Variants in DOCK3 observed in about 807,000 individuals in gnomAD.
The protein encoded by DOCK3 is dedicator of cytokinesis 3.
Under a neutral mutation model 265.6 loss-of-function variants are expected in DOCK3, and 60 were observed. The ratio of observed to expected loss-of-function variants is 0.23; its 90% CI spans 0.18 to 0.28. The LOEUF (loss-of-function observed/expected upper bound fraction) is 0.28, where lower values mean the gene tolerates loss of function less well. Among genes scored for constraint, DOCK3 ranks in the 10% least tolerant of loss-of-function variants. The pLI is 1.00. For synonymous variants in DOCK3, 881 were observed against 938.0 expected, an observed-to-expected ratio of 0.94 and a Z score of 1.11; for missense variants, 1,981 against 2,594.3, an observed-to-expected ratio of 0.76 and a Z score of 5.14.
intron 5 of DOCK3, among the ~76,000 whole-genome samples, chr3:50,946,057 G>C (rs1217909444): frequency 7.5e-6 from 1 of 132,764 alleles, no homozygotes; most frequent in East Asian, 2.3e-4. Context: ...GAGCTACTTT[G>C]CTCCAGCTCT....
chr3:51,106,441 C>T (rs563743715), intron 9 of DOCK3, among the ~76,000 whole-genome samples: 34 of 152,322 alleles, frequency 2.2e-4, no homozygotes, highest in Non-Finnish European at 4.4e-4. Context: ...TCACCATGGC[C>T]GCTCTCTATA....
intron 12 of DOCK3, among the ~76,000 whole-genome samples, chr3:51,202,498 A>C (rs1209265927): frequency 6.6e-6 from 1 of 152,138 alleles, no homozygotes; most frequent in Non-Finnish European, 1.5e-5. Flanking sequence ...TAGACCAATA[A>C]CAGGAGCTGA....
chr3:51,166,352 A>G (rs535191441), intron 12 of DOCK3, among the ~76,000 whole-genome samples: 8 of 152,068 alleles, frequency 5.3e-5, no homozygotes, highest in African/African-American at 1.2e-4. Context: ...TGCCTGGCCT[A>G]TGTATATTCT....
chr3:51,281,451 A>G (rs543177439), intron 27 of DOCK3, among the ~76,000 whole-genome samples: 2 of 151,498 alleles, frequency 1.3e-5, no homozygotes, highest in African/African-American at 4.9e-5. Context: ...CTCTTTTTTT[A>G]TTTGCTTATG....
chr3:51,115,115 G>T (rs2083678322), intron 9 of DOCK3, among the ~76,000 whole-genome samples: 1 of 152,184 alleles, frequency 6.6e-6, no homozygotes, highest in African/African-American at 2.4e-5. Flanking sequence ...ATGTGTGCAT[G>T]TGTCTTTATA....
chr3:50,864,173 T>A (rs2047036738), intron 3 of DOCK3, among the ~76,000 whole-genome samples: 1 of 152,222 alleles, frequency 6.6e-6, no homozygotes. Flanking sequence ...GGATATCTCA[T>A]TGTAGTTTTT....
At chr3:51,277,502 G>A in intron 25 of DOCK3, 106 bp from the exon 26 acceptor site, 1 of 1,381,446 alleles carries the variant, frequency 7.2e-7, no homozygotes, top group Non-Finnish European at 9.5e-7. Flanking sequence ...GCTTGGTGTT[G>A]GGAATCCAGA....
chr3:51,063,429 C>T (rs964467066), intron 5 of DOCK3, among the ~76,000 whole-genome samples: 11 of 152,134 alleles, frequency 7.2e-5, no homozygotes, highest in African/African-American at 2.7e-4. Flanking sequence ...GTTATAAGAT[C>T]ACTGCCACCT....
chr3:50,891,481 C>G (rs1290410266), intron 4 of DOCK3, among the ~76,000 whole-genome samples: 1 of 152,002 alleles, frequency 6.6e-6, no homozygotes, highest in Non-Finnish European at 1.5e-5. Context: ...GTTTATGAAC[C>G]TTTGCAACAA....
chr3:51,208,983 G>A (rs1289937476), intron 13 of DOCK3, 121 bp downstream of exon 13: 11 of 814,926 alleles, frequency 1.3e-5, no homozygotes, highest in South Asian at 8.7e-5. Flanking sequence ...TTCTCCTGCC[G>A]AGGCATTTCC....
intron 4 of DOCK3, among the ~76,000 whole-genome samples, chr3:50,923,691 A>G (rs978354717): frequency 2.0e-5 from 3 of 152,202 alleles, no homozygotes; most frequent in African/African-American, 4.8e-5. Flanking sequence ...CATTACAGAC[A>G]TGTTTCTCTA....
intron 5 of DOCK3, among the ~76,000 whole-genome samples, chr3:50,939,948 A>G (rs967993297): frequency 2.0e-5 from 3 of 152,184 alleles, no homozygotes; most frequent in Non-Finnish European, 1.5e-5. Context: ...TTGGCTGCAT[A>G]GGAGATCTCA....
intron 5 of DOCK3, among the ~76,000 whole-genome samples, chr3:50,948,401 CTTTTTTTTTT>C (rs59584829): frequency 1.0e-4 from 10 of 98,650 alleles, no homozygotes; most frequent in African/African-American, 1.6e-4. Flanking sequence ...AAGTTTTAAT[CTTTTTTTTTT>C]TTTTTTTTTT....
At chr3:50,762,146 A>G (rs571679972) in intron 1 of DOCK3, among the ~76,000 whole-genome samples, 1 of 152,230 alleles carries the variant, frequency 6.6e-6, no homozygotes, top group South Asian at 2.1e-4. Context: ...TAGGAGATAT[A>G]CCTAATGTAA....
At chr3:51,010,117 A>G (rs953286693) in intron 5 of DOCK3, among the ~76,000 whole-genome samples, 6 of 152,126 alleles carry the variant, frequency 3.9e-5, no homozygotes, top group Non-Finnish European at 7.4e-5. Flanking sequence ...GGAGAGTTCT[A>G]TAGATGTCTA....
chr3:51,333,238 G>A lies in DOCK3; in HGVS notation c.3596G>A (p.Arg1199His), dbSNP rs528206945. ...ACCTCAGTCACCCGCCTCATGGAAC[G>A]TCTTCTTGACTACAGGTATCTTCTC... ...FVTSVTRLME[R>H]LLDYRDCMKG... is the part of the protein sequence containing the mutation. Residue 1199 changes from arginine to histidine, a missense_variant, in exon 35 of 53, where the codon CGT (arginine) becomes CAT (histidine). Physicochemically the swap from Arg to His is conservative, Grantham distance 29 (BLOSUM62 0). Transcript: ENST00000266037. The A allele has an allele frequency of 2.5e-6, 4 of 1,613,114 alleles. No homozygotes were observed. The highest frequency in any genetic ancestry group is 2.2e-5 in the South Asian group (2 of 91,050).
chr3:51,066,890 A>T (rs1185843582), intron 6 of DOCK3, among the ~76,000 whole-genome samples: 1 of 152,202 alleles, frequency 6.6e-6, no homozygotes, highest in Non-Finnish European at 1.5e-5. Context: ...CCTACCACAG[A>T]CTACCTTCTA....
chr3:50,905,936 C>A (rs1049201472), intron 4 of DOCK3, among the ~76,000 whole-genome samples: 1 of 151,968 alleles, frequency 6.6e-6, no homozygotes, highest in Non-Finnish European at 1.5e-5. Context: ...AGATACATCC[C>A]ATCAATACCT....
At chr3:50,808,950 A>G (rs2043582135) in intron 2 of DOCK3, among the ~76,000 whole-genome samples, 1 of 152,346 alleles carries the variant, frequency 6.6e-6, no homozygotes, top group South Asian at 2.1e-4. Flanking sequence ...ATATACTCCA[A>G]ACTCAATTCC....
Sources: gnomAD v4.1 joint callset for allele counts (sites outside exome capture counted in the v4.1 genomes callset) on GRCh38, gnomAD v4.1.1 for gene constraint, MANE v1.5 for transcripts, NCBI Gene and HGNC (gene_info 2026-07-23, HGNC 2026-07-21) for gene names.